DOCK11: variants seen among roughly 807,000 people sequenced by gnomAD.
DOCK11 encodes dedicator of cytokinesis 11.
In DOCK11, 70 loss-of-function variants were observed where a neutral mutation model predicts 169.1. The ratio of observed to expected loss-of-function variants is 0.41; its 90% CI spans 0.34 to 0.51. The LOEUF is 0.51. DOCK11 is among the 20% of genes least tolerant of loss of function. The probability of loss-of-function intolerance (pLI) is 0.10; values close to 1 mark genes in which losing one functional copy is unlikely to be tolerated. For missense variants in DOCK11, 1,166 were observed against 1,538.8 expected, an observed-to-expected ratio of 0.76 and a Z score of 4.05; for synonymous variants, 529 against 541.3, an observed-to-expected ratio of 0.98 and a Z score of 0.32.
chrX:118,570,800 C>T (rs2013247592), intron 10 of DOCK11, among the ~76,000 whole-genome samples: 1 of 111,910 alleles, frequency 8.9e-6, no homozygotes, highest in Non-Finnish European at 1.9e-5. Context: ...CCACAATCCA[C>T]ACTTTTCTTC....
At chrX:118,590,029 T>G (rs1473782411) in intron 18 of DOCK11, among the ~76,000 whole-genome samples, 181 bp from the exon 19 acceptor site, 1 of 112,314 alleles carries the variant, frequency 8.9e-6, no homozygotes, top group Non-Finnish European at 1.9e-5. Flanking sequence ...AGTTACATGG[T>G]GTCTCATTTG....
chrX:118,499,092 AT>A (rs2057556831), intron 1 of DOCK11, among the ~76,000 whole-genome samples: 1 of 112,303 alleles, frequency 8.9e-6, no homozygotes, highest in Non-Finnish European at 1.9e-5. Flanking sequence ...GAGAAACATT[AT>A]AACCTGAGAG....
At chrX:118,578,136 T>G (rs772345949) in intron 12 of DOCK11, among the ~76,000 whole-genome samples, 6 of 112,053 alleles carry the variant, frequency 5.4e-5, no homozygotes, top group Non-Finnish European at 7.5e-5. Context: ...GCAGTAAAGT[T>G]TCTTTTTCCT....
At chrX:118,520,211 G>A (rs2057713978) in intron 1 of DOCK11, among the ~76,000 whole-genome samples, 2 of 112,066 alleles carry the variant, frequency 1.8e-5, no homozygotes, top group Non-Finnish European at 3.8e-5. Flanking sequence ...GTTTAAAGTT[G>A]ATGGTTGGAG....
chrX:118,611,387 C>T (rs1418722218), intron 28 of DOCK11, among the ~76,000 whole-genome samples: 1 of 112,342 alleles, frequency 8.9e-6, no homozygotes. Flanking sequence ...TGTTTTTAAG[C>T]ATAGTTTGAA....
chrX:118,645,959 G>T (rs1484296780), intron 40 of DOCK11, among the ~76,000 whole-genome samples: 1 of 105,592 alleles, frequency 9.5e-6, no homozygotes, highest in Non-Finnish European at 1.9e-5. Context: ...GGGAGGCTGA[G>T]GCAGGAGAAT....
At chrX:118,661,835 C>T (rs1459579851) in intron 44 of DOCK11, among the ~76,000 whole-genome samples, 1 of 111,461 alleles carries the variant, frequency 9.0e-6, no homozygotes, top group Non-Finnish European at 1.9e-5. Context: ...GGTCCAGAAG[C>T]CTACAGCAGG....
At chrX:118,636,158 G>T (rs895374162) in intron 35 of DOCK11, among the ~76,000 whole-genome samples, 188 bp from the exon 36 acceptor site, 1 of 111,762 alleles carries the variant, frequency 8.9e-6, no homozygotes, top group Non-Finnish European at 1.9e-5. Flanking sequence ...CCAATTAAAT[G>T]ATATATTTGG....
At chrX:118,570,358 A>T (rs974828764) in intron 10 of DOCK11, among the ~76,000 whole-genome samples, 2 of 112,267 alleles carry the variant, frequency 1.8e-5, no homozygotes, top group Non-Finnish European at 3.8e-5. Context: ...TTTCCATTCT[A>T]CTGTCTGAGT....
rs137930957 is a variant in DOCK11 at position 118,542,632 on chromosome X, T to G, written c.103-93T>G. The G allele has an allele frequency of 4.8e-3, 3,051 of 641,123 alleles. 74 individuals carry two copies. In the Admixed American group the frequency reaches 0.05, roughly 10 times the overall value. 52.8% of individuals were successfully genotyped at this position (641,123 alleles called of 1,213,427 possible). A position where few individuals can be genotyped will look rare whatever the true frequency, so the allele number is the denominator to read the frequency against. On this transcript the variant is annotated intron_variant, in intron 1 of 52. Coordinates refer to ENST00000276202, the MANE Select transcript of DOCK11 (RefSeq NM_144658.4). ...AGTACTTAAAAGTATCAGTAATCCC[T>G]TCCTTTGAGAAGTAATGTATCTTTA...
At chrX:118,540,822 C>T (rs948779237) in intron 1 of DOCK11, among the ~76,000 whole-genome samples, 3 of 111,468 alleles carry the variant, frequency 2.7e-5, no homozygotes, top group African/African-American at 9.8e-5. Flanking sequence ...AGTATAATCC[C>T]GATGCTATTA....
Position 118,566,009 on chromosome X carries a change from C to T in DOCK11, c.698C>T (p.Pro233Leu). Residue 233 changes from proline (P) to leucine (L), a missense_variant, in exon 8 of 53, where the codon CCC becomes CTC. Coordinates refer to ENST00000276202, the MANE Select transcript of DOCK11 (RefSeq NM_144658.4). ...LDACIDVVQCPKMRRHAFELK... is the reference protein window; with the variant it reads ...LDACIDVVQCLKMRRHAFELK... Reference sequence around the variant, plus strand: ...CATACTTTTTCTCCCCTCTAGTGCCCCAAAATGCGCCGTCATGCTTTTGAA... The same window carrying T: ...CATACTTTTTCTCCCCTCTAGTGCCTCAAAATGCGCCGTCATGCTTTTGAA... 8.3e-7 allele frequency: 1 copy of T among 1,209,944 alleles called. No individual in the cohort carries two copies. The highest frequency in any genetic ancestry group is 1.1e-6 in the Non-Finnish European group (1 of 894,658).
chrX:118,609,434 A>G (rs2014622177), intron 27 of DOCK11, 85 bp downstream of exon 27: 1 of 721,482 alleles, frequency 1.4e-6, no homozygotes, highest in South Asian at 3.2e-5. Flanking sequence ...AGACAAAAAA[A>G]GCTAATCTTA....
chrX:118,600,296 A>G (rs1044434921), intron 23 of DOCK11, among the ~76,000 whole-genome samples: 1 of 109,605 alleles, frequency 9.1e-6, no homozygotes, highest in Non-Finnish European at 1.9e-5. Context: ...AATCCCAGCT[A>G]CTCAGGAGGC....
At chrX:118,632,476 A>G (rs898479781) in intron 35 of DOCK11, 2 of 112,288 alleles carry the variant, frequency 1.8e-5, no homozygotes, top group South Asian at 3.7e-4. Context: ...GTCATGCTGT[A>G]TATCTGTAAA....
In DOCK11 at chrX:118,685,683, T is replaced by G; in HGVS notation, c.6103-5T>G. The G allele has an allele frequency of 1.7e-6, 2 of 1,207,848 alleles. No homozygotes were observed. The highest frequency in any genetic ancestry group is 2.2e-6 in the Non-Finnish European group (2 of 893,568). On this transcript the variant is annotated splice_polypyrimidine_tract_variant and splice_region_variant and intron_variant, in intron 52 of 52. Coordinates refer to ENST00000276202, the MANE Select transcript of DOCK11 (RefSeq NM_144658.4). ...TGATAATCATGCTGATTTCTTCTGT[T>G]TTAGATATTACAAGAAGACACAATG...
At chrX:118,588,342 T>C in intron 17 of DOCK11, 21 bp downstream of exon 17, 4 of 1,161,502 alleles carry the variant, frequency 3.4e-6, no homozygotes, top group Non-Finnish European at 4.6e-6. Flanking sequence ...AAACTATACA[T>C]TTTTGGAGTA....
At position 118,615,710 on chromosome X, in the gene DOCK11, A is replaced by G; in HGVS notation, c.3291A>G (p.Gln1097=). 1 of 1,191,062 alleles carries G rather than the reference A, an allele frequency of 8.4e-7. No individual in the cohort carries two copies. The highest frequency in any genetic ancestry group is 1.7e-5 in the African/African-American group (1 of 57,428). The part of the protein sequence containing the change: ...AFAKPKLQRV[Q]DSNLEYSLSD... ...CAAAACCTAAACTGCAGCGGGTTCA[A>G]GGCATGTATTTGCATTTTCCATCAT... Residue 1097 remains glutamine (Q), a splice_region_variant and synonymous_variant, in exon 30 of 53, where the codon CAA becomes CAG. Coordinates refer to ENST00000276202, the MANE Select transcript of DOCK11 (RefSeq NM_144658.4).
chrX:118,624,654 C>A lies in DOCK11; in HGVS notation c.3587C>A (p.Ser1196Tyr), dbSNP rs747026752. 1 of 1,145,588 alleles carries A rather than the reference C, an allele frequency of 8.7e-7. No homozygotes were observed. Among genetic ancestry groups the A allele is most frequent in the East Asian group, 3.0e-5 (1 of 33,171 alleles). 94.4% of individuals were successfully genotyped at this position (1,145,588 alleles called of 1,213,427 possible). ...TLYSCAAMPN[S>Y]ASRDEFPCGF... The stretch of plus-strand genomic sequence containing the variant: ...TATTCTTGTGCAGCCATGCCTAATT[C>A]TGTAAGTAGTAATGTGTTTCTGTTG... The change falls in exon 32 of 53, where the codon TCT becomes TAT. Residue 1196 changes from serine (S) to tyrosine (Y), a missense_variant and splice_region_variant. Ser to Tyr is a moderately radical substitution (Grantham distance 144, BLOSUM62 -2). Coordinates refer to ENST00000276202, the MANE Select transcript of DOCK11 (RefSeq NM_144658.4).
Sources: allele counts gnomAD v4.1 joint callset (sites outside exome capture counted in the v4.1 genomes callset), GRCh38; gene constraint gnomAD v4.1.1; transcripts MANE v1.5; gene names NCBI Gene and HGNC (gene_info 2026-07-23, HGNC 2026-07-21).